Variants in CDC42BPA observed in about 807,000 individuals in gnomAD.
CDC42BPA encodes CDC42 binding protein kinase alpha.
CDC42BPA carries 80 observed loss-of-function variants against 223.5 expected under a neutral mutation model. The ratio of observed to expected loss-of-function variants is 0.36; its 90% CI spans 0.30 to 0.43. The LOEUF (loss-of-function observed/expected upper bound fraction) is 0.43, where lower values mean the gene tolerates loss of function less well. Among genes scored for constraint, CDC42BPA ranks in the 20% least tolerant of loss-of-function variants. CDC42BPA has a pLI of 1.00. For synonymous variants in CDC42BPA, 694 were observed against 718.6 expected (o/e 0.97, Z 0.55); for missense variants, 1,743 against 2,099.9 (o/e 0.83, Z 3.32).
intron 5 of CDC42BPA, among the ~76,000 whole-genome samples, chr1:227,167,857 C>A (rs115490166): frequency 0.01 from 1,556 of 152,228 alleles, 31 homozygotes; most frequent in African/African-American, 0.035. Context: ...CATGTAGTAT[C>A]ATTTCCCTGC....
intron 15 of CDC42BPA, among the ~76,000 whole-genome samples, chr1:227,093,135 T>C (rs965502028): frequency 6.6e-6 from 1 of 152,232 alleles, no homozygotes; most frequent in Non-Finnish European, 1.5e-5. Context: ...GAACAGTTCC[T>C]CAGTCTTCCC....
At chr1:227,303,830 T>C (rs1255309306) in intron 1 of CDC42BPA, among the ~76,000 whole-genome samples, 1 of 152,224 alleles carries the variant, frequency 6.6e-6, no homozygotes, top group Admixed American at 6.5e-5. Flanking sequence ...AAAAAAATTA[T>C]TTTATTATAG....
At chr1:227,167,464 C>T (rs1234444001) in intron 5 of CDC42BPA, among the ~76,000 whole-genome samples, 1 of 152,174 alleles carries the variant, frequency 6.6e-6, no homozygotes, top group Admixed American at 6.5e-5. Context: ...TGGTTATTCT[C>T]CCAACTATAC....
In CDC42BPA at chr1:227,192,774, T is replaced by C. The variant is rs906606452; in HGVS notation, c.599+1012A>G. ...AATATAAAGTATTAATAGTTTATAATTACTCCATGAACATCAAAATTATCA... is the reference window on the plus strand; with the variant it reads ...AATATAAAGTATTAATAGTTTATAACTACTCCATGAACATCAAAATTATCA... On this transcript the variant is annotated intron_variant, in intron 5 of 36. Coordinates refer to ENST00000366766, the MANE Select transcript of CDC42BPA (RefSeq NM_001394014.1). Among the ~76,000 whole-genome samples, 6 of 151,882 alleles carry C rather than the reference T, an allele frequency of 4.0e-5. 1 individual carries two copies. Among genetic ancestry groups the C allele is most frequent in the African/African-American group, 1.5e-4 (6 of 41,366 alleles).
chr1:227,039,225 G>C (rs1670897687), intron 24 of CDC42BPA, among the ~76,000 whole-genome samples: 1 of 152,096 alleles, frequency 6.6e-6, no homozygotes, highest in African/African-American at 2.4e-5. Flanking sequence ...AGACTGACAT[G>C]GTTACATTCT....
At chr1:227,020,000 G>T (rs377723389) in intron 32 of CDC42BPA, among the ~76,000 whole-genome samples, 2 of 151,964 alleles carry the variant, frequency 1.3e-5, no homozygotes, top group Non-Finnish European at 2.9e-5. Flanking sequence ...AGGTTCAAGC[G>T]ATTCTCCTGC....
At chr1:227,001,697 G>A (rs1160783580) in intron 35 of CDC42BPA, among the ~76,000 whole-genome samples, 4 of 152,004 alleles carry the variant, frequency 2.6e-5, no homozygotes, top group Middle Eastern at 3.2e-3. Flanking sequence ...ACCTGAGGTC[G>A]GGAGTTCAAG....
rs181184356 is a variant in CDC42BPA, at chr1:227,253,767, A to C, written c.270+297T>G. On this transcript the variant is annotated intron_variant, in intron 2 of 36. Coordinates refer to ENST00000366766, the MANE Select transcript of CDC42BPA (RefSeq NM_001394014.1). ...ATCAAGATTCCTTATAAACTAGAATAAGACAGACCAACAGAACAAAAGAAG... is the reference window on the plus strand; with the variant it reads ...ATCAAGATTCCTTATAAACTAGAATCAGACAGACCAACAGAACAAAAGAAG... Among the ~76,000 whole-genome samples, 76 of 152,228 alleles carry C rather than the reference A, an allele frequency of 5.0e-4. 2 individuals are homozygous for C. Among genetic ancestry groups the C allele is most frequent in the Admixed American group, 4.9e-3 (74 of 15,250 alleles).
chr1:227,003,363 C>A (rs909310705), intron 35 of CDC42BPA, among the ~76,000 whole-genome samples: 1 of 152,094 alleles, frequency 6.6e-6, no homozygotes, highest in Non-Finnish European at 1.5e-5. Flanking sequence ...CACACTCGAT[C>A]GACACTCTCT....
intron 23 of CDC42BPA, among the ~76,000 whole-genome samples, chr1:227,043,522 AT>A (rs1671811844): frequency 6.6e-6 from 1 of 152,084 alleles, no homozygotes; most frequent in African/African-American, 2.4e-5. Context: ...TTTAAAAAAC[AT>A]GAAATAAATT....
chr1:227,040,205 A>G lies in CDC42BPA; in HGVS notation c.3125T>C (p.Phe1042Ser), dbSNP rs1022072765. 3 of 1,613,032 alleles carry G rather than the reference A, an allele frequency of 1.9e-6. No homozygotes were observed. The highest frequency in any genetic ancestry group is 3.3e-5 in the Admixed American group (2 of 59,998). Reference protein sequence around the residue: ...RKTHQFFVKSFTTPTKCHQCT... With the variant: ...RKTHQFFVKSSTTPTKCHQCT... ...CTGATGACACTTGGTAGGAGTAGTA[A>G]AAGATTTTACAAAAAACTGGTGAGT... The change falls in exon 24 of 37, where the codon TTT (phenylalanine) becomes TCT (serine). Residue 1042 changes from phenylalanine (F) to serine (S), a missense_variant. By Grantham distance (155) the Phe-to-Ser change is radical (BLOSUM62 -2). Transcript: ENST00000366766.
At chr1:227,188,205 GAAAT>G (rs1401336726) in intron 5 of CDC42BPA, among the ~76,000 whole-genome samples, 1 of 152,050 alleles carries the variant, frequency 6.6e-6, no homozygotes, top group African/African-American at 2.4e-5. Context: ...ACTTATGCAT[GAAAT>G]AAATGACAGC....
rs1042583530 is a variant in CDC42BPA at position 227,163,074 on chromosome 1, G to A, written c.600-2438C>T. On this transcript the variant is annotated intron_variant, in intron 5 of 36. Coordinates refer to ENST00000366766, the MANE Select transcript of CDC42BPA (RefSeq NM_001394014.1). Reference sequence around the variant, plus strand: ...TGTGTATGTTTCCAAACATAAATGTGTGTATGTTTCCAAACATGTGTGTTT... The same window carrying A: ...TGTGTATGTTTCCAAACATAAATGTATGTATGTTTCCAAACATGTGTGTTT... Among the ~76,000 whole-genome samples the A allele has an allele frequency of 8.5e-3, 1,014 of 119,020 alleles. 20 individuals carry two copies. Among genetic ancestry groups the A allele is most frequent in the African/African-American group, 0.029 (925 of 32,450 alleles). 78.1% of individuals were successfully genotyped at this position (119,020 alleles called of 152,430 possible).
intron 15 of CDC42BPA, among the ~76,000 whole-genome samples, chr1:227,093,528 CTGAG>C (rs752943921): frequency 3.9e-5 from 6 of 152,176 alleles, no homozygotes; most frequent in Non-Finnish European, 7.3e-5. Flanking sequence ...GGACTCCAGA[CTGAG>C]TGTCACCAAT....
At position 227,317,128 on chromosome 1, in the gene CDC42BPA, C is replaced by A. The variant is rs780626034; in HGVS notation, c.55G>T (p.Ala19Ser). ...QLEQFILDGP[A>S]QTNGQCFSVE... ...CTGAAGCACTGCCCATTGGTCTGAG[C>A]GGGCCCGTCCAAAATAAACTGCTCC... Residue 19 changes from alanine (A) to serine (S), a missense_variant, in exon 1 of 37, where the codon GCT (alanine) becomes TCT (serine). Transcript: ENST00000366766. The A allele has an allele frequency of 6.2e-7, 1 of 1,614,004 alleles. No individual in the cohort carries two copies. The highest frequency in any genetic ancestry group is 8.5e-7 in the Non-Finnish European group (1 of 1,179,952).
intron 32 of CDC42BPA, among the ~76,000 whole-genome samples, chr1:227,021,364 G>A (rs957858053): frequency 1.3e-5 from 2 of 152,152 alleles, no homozygotes; most frequent in Non-Finnish European, 2.9e-5. Flanking sequence ...GGTCTTGGAA[G>A]TGAAGCATCT....
At chr1:227,186,659 C>T (rs963594716) in intron 5 of CDC42BPA, among the ~76,000 whole-genome samples, 2 of 152,180 alleles carry the variant, frequency 1.3e-5, no homozygotes, top group African/African-American at 4.8e-5. Context: ...ACACACACGC[C>T]CCTTGCCACT....
At chr1:227,124,994 A>G (rs751177109) in intron 11 of CDC42BPA, among the ~76,000 whole-genome samples, 21 of 152,152 alleles carry the variant, frequency 1.4e-4, no homozygotes, top group South Asian at 2.1e-4. Context: ...GATAAACAAC[A>G]TAACGGTGAG....
intron 35 of CDC42BPA, among the ~76,000 whole-genome samples, chr1:227,003,692 A>C (rs916773514): frequency 6.6e-5 from 10 of 152,200 alleles, no homozygotes; most frequent in Admixed American, 6.5e-5. Context: ...CCCACCAAAA[A>C]GCTGCTCCGC....
Sources: gnomAD v4.1 joint callset for allele counts (sites outside exome capture counted in the v4.1 genomes callset) on GRCh38, gnomAD v4.1.1 for gene constraint, MANE v1.5 for transcripts, NCBI Gene and HGNC (gene_info 2026-07-23, HGNC 2026-07-21) for gene names.